KSR2: variants seen among roughly 807,000 people sequenced by gnomAD.
KSR2 encodes the protein kinase suppressor of ras 2.
A neutral mutation model predicts 107.8 loss-of-function variants in KSR2; 25 were observed. That is an observed-to-expected ratio of 0.23 (90% CI 0.17 to 0.32). The LOEUF is 0.32. Ranked by LOEUF, KSR2 falls within the 10% of genes least tolerant of loss-of-function variation. The pLI is 1.00. For synonymous variants in KSR2, 480 were observed against 507.0 expected (o/e 0.95, Z 0.71); for missense variants, 887 against 1,268.9 (o/e 0.70, Z 4.57).
chr12:117,717,446 G>C, intron 4 of KSR2, among the ~76,000 whole-genome samples: 1 of 152,022 alleles, frequency 6.6e-6, no homozygotes, highest in East Asian at 1.9e-4. Flanking sequence ...TTGAGCCCAG[G>C]AGGTCAAGGC....
At chr12:117,525,691 T>C (rs1232305385) in intron 13 of KSR2, among the ~76,000 whole-genome samples, 3 of 152,204 alleles carry the variant, frequency 2.0e-5, no homozygotes, top group African/African-American at 7.2e-5. Flanking sequence ...GTGATAAAGT[T>C]GACAGGCTAG....
rs1291458996 is a variant in KSR2, at chr12:117,558,699, A to G, written c.1326-126T>C. On this transcript the variant is annotated intron_variant, in intron 7 of 19. Transcript: ENST00000339824. ...AATGGATGGGTGAATGGATGGGTAGATGGATGGGGGATAGATGGGTGAGTA... is the reference window on the plus strand; with the variant it reads ...AATGGATGGGTGAATGGATGGGTAGGTGGATGGGGGATAGATGGGTGAGTA... 4.5e-6 allele frequency: 3 copies of G among 661,770 alleles called. No homozygotes were observed. In the African/African-American group the frequency reaches 5.4e-5, roughly 12 times the overall value. 41.0% of individuals were successfully genotyped at this position (661,770 alleles called of 1,614,324 possible). A position where few individuals can be genotyped will look rare whatever the true frequency, so the allele number is the denominator to read the frequency against.
intron 3 of KSR2, among the ~76,000 whole-genome samples, chr12:117,798,042 G>T (rs1344332085): frequency 1.3e-5 from 2 of 152,126 alleles, no homozygotes; most frequent in African/African-American, 2.4e-5. Context: ...CAGCATGGGG[G>T]CCCTGATCCC....
intron 1 of KSR2, among the ~76,000 whole-genome samples, chr12:117,914,001 G>T (rs551867166): frequency 6.6e-6 from 1 of 152,252 alleles, no homozygotes; most frequent in African/African-American, 2.4e-5. Context: ...CTCCAGAAGG[G>T]TTCCCAGGGG....
chr12:117,793,350 C>A lies in KSR2; in HGVS notation c.473-31826G>T, dbSNP rs533535771. The stretch of plus-strand genomic sequence containing the variant: ...ACATGCACACATACACACCAGCATG[C>A]ACACACCCTCACACCAACATGCACA... On this transcript the variant is annotated intron_variant, in intron 3 of 19. Transcript: ENST00000339824. Among the ~76,000 whole-genome samples the A allele has an allele frequency of 1.6e-4, 23 of 147,154 alleles. No individual in the cohort carries two copies. The Middle Eastern group carries it at 0.011, about 73-fold the overall frequency.
At chr12:117,471,940 C>A (rs1871482879) in intron 17 of KSR2, among the ~76,000 whole-genome samples, 1 of 151,718 alleles carries the variant, frequency 6.6e-6, no homozygotes, top group South Asian at 2.1e-4. Flanking sequence ...CAATAACTAA[C>A]TCTGGGTGAC....
At chr12:117,695,847 G>A (rs982404921) in intron 4 of KSR2, among the ~76,000 whole-genome samples, 4 of 152,118 alleles carry the variant, frequency 2.6e-5, no homozygotes, top group South Asian at 2.1e-4. Flanking sequence ...GAAAGACACC[G>A]GAAAGGTCGC....
At chr12:117,783,628 G>A (rs572230838) in intron 3 of KSR2, among the ~76,000 whole-genome samples, 16 of 152,366 alleles carry the variant, frequency 1.1e-4, no homozygotes, top group African/African-American at 3.8e-4. Context: ...GACAGCAGGT[G>A]GGTAGGGCAG....
At chr12:117,467,896 A>G (rs1020055839) in intron 19 of KSR2, 1 of 378,144 alleles carries the variant, frequency 2.6e-6, no homozygotes, top group African/African-American at 2.9e-5. Flanking sequence ...CCAGCATCCT[A>G]TTCTGCTAGA....
chr12:117,840,588 G>A (rs1280868852), intron 3 of KSR2, among the ~76,000 whole-genome samples: 2 of 151,888 alleles, frequency 1.3e-5, no homozygotes, highest in African/African-American at 4.8e-5. Context: ...TGGAGACAGG[G>A]TTTCACCATT....
At chr12:117,773,689 C>A (rs1889587096) in intron 3 of KSR2, among the ~76,000 whole-genome samples, 1 of 152,190 alleles carries the variant, frequency 6.6e-6, no homozygotes, top group Non-Finnish European at 1.5e-5. Context: ...TAGATGCTGG[C>A]TGAAAATATT....
At chr12:117,618,808 T>C (rs1882017474) in intron 5 of KSR2, among the ~76,000 whole-genome samples, 1 of 152,200 alleles carries the variant, frequency 6.6e-6, no homozygotes, top group Non-Finnish European at 1.5e-5. Context: ...ATGAGTCCAT[T>C]AAACCTCTTT....
At chr12:117,647,969 G>A (rs56130732) in intron 5 of KSR2, among the ~76,000 whole-genome samples, 5,100 of 151,998 alleles carry the variant, frequency 0.034, 172 homozygotes, top group South Asian at 0.14. Context: ...TTGGCCTCCC[G>A]AAGTGCTGAG....
In KSR2 at chr12:117,572,667, G is replaced by A. The variant is rs551553558; in HGVS notation, c.1325+6452C>T. Among the ~76,000 whole-genome samples the A allele has an allele frequency of 2.0e-4, 28 of 143,252 alleles. No homozygotes were observed. The East Asian group carries it at 4.9e-3, about 25-fold the overall frequency. The allele number at this position is 143,252 out of a possible 152,430, so 94.0% of individuals were successfully genotyped here. On this transcript the variant is annotated intron_variant, in intron 7 of 19. Coordinates refer to ENST00000339824, the MANE Select transcript of KSR2 (RefSeq NM_173598.6). ...TACTTATCCACTGGTGGTTTTGGAAGATGTTCCCCTCTCTTCCACACTCCA... is the reference window on the plus strand; with the variant it reads ...TACTTATCCACTGGTGGTTTTGGAAAATGTTCCCCTCTCTTCCACACTCCA...
intron 3 of KSR2, among the ~76,000 whole-genome samples, chr12:117,812,825 A>T (rs1015848217): frequency 7.0e-6 from 1 of 143,488 alleles, no homozygotes; most frequent in African/African-American, 2.7e-5. Flanking sequence ...GTGGAACCAC[A>T]AAAGACCCCA....
chr12:117,481,329 A>AT (rs1872163885), intron 16 of KSR2, among the ~76,000 whole-genome samples: 1 of 152,128 alleles, frequency 6.6e-6, no homozygotes, highest in African/African-American at 2.4e-5. Context: ...GTATTTAGTG[A>AT]TAAAGCCTAT....
At chr12:117,692,321 G>T (rs967580927) in intron 4 of KSR2, among the ~76,000 whole-genome samples, 1 of 151,656 alleles carries the variant, frequency 6.6e-6, no homozygotes. Context: ...CATTGGCAAA[G>T]ATGTGGAGAA....
chr12:117,713,866 C>T (rs1886883021), intron 4 of KSR2, among the ~76,000 whole-genome samples: 1 of 152,262 alleles, frequency 6.6e-6, no homozygotes, highest in African/African-American at 2.4e-5. Context: ...TTCAACAGCT[C>T]TGACTCCAGC....
Position 117,968,304 on chromosome 12 carries a change from A to C in KSR2, c.-49T>G. The C allele has an allele frequency of 2.9e-6, 2 of 680,642 alleles. No homozygotes were observed. The highest frequency in any genetic ancestry group is 6.6e-5 in the East Asian group (1 of 15,232). 42.2% of individuals were successfully genotyped at this position (680,642 alleles called of 1,614,324 possible). On this transcript the variant is annotated 5_prime_UTR_variant, in exon 1 of 20. Coordinates refer to ENST00000339824, the MANE Select transcript of KSR2 (RefSeq NM_173598.6). Reference sequence around the variant, plus strand: ...CCTCCTCCTCCTCCCAGAGAGAAAAAAGAGGGGGGGGAGTAGAGGTAGTCT... The same window carrying C: ...CCTCCTCCTCCTCCCAGAGAGAAAACAGAGGGGGGGGAGTAGAGGTAGTCT...
Sources: allele counts gnomAD v4.1 joint callset (sites outside exome capture counted in the v4.1 genomes callset), GRCh38; gene constraint gnomAD v4.1.1; transcripts MANE v1.5; gene names NCBI Gene and HGNC (gene_info 2026-07-23, HGNC 2026-07-21).